The following NEDD9 variants were observed in gnomAD, a reference collection of about 807,000 sequenced individuals.
NEDD9 encodes enhancer of filamentation 1.
NEDD9 carries 26 observed loss-of-function variants against 76.6 expected under a neutral mutation model. The ratio of observed to expected loss-of-function variants is 0.34; its 90% CI spans 0.25 to 0.47. The LOEUF (loss-of-function observed/expected upper bound fraction) is 0.47, where lower values mean the gene tolerates loss of function less well. Ranked by LOEUF, NEDD9 falls within the 20% of genes least tolerant of loss-of-function variation. The pLI, the probability that NEDD9 is intolerant of heterozygous loss-of-function variation, is 1.00. For missense variants in NEDD9, 937 were observed against 1,058.5 expected (o/e 0.89, Z 1.59); for synonymous variants, 392 against 414.2 (o/e 0.95, Z 0.65).
intron 3 of NEDD9, among the ~76,000 whole-genome samples, chr6:11,246,704 C>T (rs957962157): frequency 2.6e-5 from 4 of 152,162 alleles, no homozygotes; most frequent in East Asian, 3.8e-4. Context: ...GATGGCAGCC[C>T]GGGAAACTCT....
At position 11,188,276 on chromosome 6, in the gene NEDD9, T is replaced by C; in HGVS notation, c.1937A>G (p.Glu646Gly). 6.2e-7 allele frequency: 1 copy of C among 1,614,172 alleles called. No homozygotes were observed. Among genetic ancestry groups the C allele is most frequent in the Non-Finnish European group, 8.5e-7 (1 of 1,180,000 alleles). ...GKEEFERQQK[E>G]LLEKENIMKQ... ...CATGATATTCTCTTTTTCCAATAGC[T>C]CTTTCTGTTGCCTCTCAAACTCCTC... Residue 646 changes from glutamate (E) to glycine (G), a missense_variant, in exon 6 of 7, where the codon GAG becomes GGG. Transcript: ENST00000379446.
rs1271712802 is a variant in NEDD9 at position 11,192,290 on chromosome 6, G to A, written c.663+55C>T. 6 of 339,970 alleles carry A rather than the reference G, an allele frequency of 1.8e-5. No homozygotes were observed. The African/African-American group carries it at 7.1e-4, about 40-fold the overall frequency. 21.1% of individuals were successfully genotyped at this position (339,970 alleles called of 1,614,324 possible). A position where few individuals can be genotyped will look rare whatever the true frequency, so the allele number is the denominator to read the frequency against. On this transcript the variant is annotated intron_variant, in intron 4 of 6. Transcript: ENST00000379446. The stretch of plus-strand genomic sequence containing the variant: ...CCACCCTCCCAACCCTGCACCCCCC[G>A]ACACACAGACACACACACACACTCC...
intron 3 of NEDD9, among the ~76,000 whole-genome samples, chr6:11,261,497 A>G (rs564836483): frequency 6.6e-6 from 1 of 152,216 alleles, no homozygotes; most frequent in Non-Finnish European, 1.5e-5. Flanking sequence ...TTATGTTTCA[A>G]TTCATTCATT....
chr6:11,362,885 G>A (rs765461595), intron 1 of NEDD9, among the ~76,000 whole-genome samples: 11 of 152,172 alleles, frequency 7.2e-5, no homozygotes, highest in Non-Finnish European at 1.2e-4. Flanking sequence ...TTTATTGGAA[G>A]GGACAGATGT....
At chr6:11,201,295 C>T (rs184557550) in intron 2 of NEDD9, among the ~76,000 whole-genome samples, 6 of 152,302 alleles carry the variant, frequency 3.9e-5, no homozygotes, top group East Asian at 1.9e-4. Context: ...AGGGAGCAGA[C>T]GGCTGCCACT....
At chr6:11,350,108 A>T (rs1561844000) in intron 1 of NEDD9, among the ~76,000 whole-genome samples, 1 of 152,228 alleles carries the variant, frequency 6.6e-6, no homozygotes, top group Non-Finnish European at 1.5e-5. Context: ...CTAATTGACA[A>T]TTGGCTGTTA....
intron 2 of NEDD9, among the ~76,000 whole-genome samples, chr6:11,306,581 C>A: frequency 6.6e-6 from 1 of 152,126 alleles, no homozygotes; most frequent in East Asian, 1.9e-4. Flanking sequence ...CTATAACCTA[C>A]AGTTTTAGTC....
chr6:11,209,385 GGA>G (rs1758706003), intron 2 of NEDD9, among the ~76,000 whole-genome samples: 2 of 152,164 alleles, frequency 1.3e-5, no homozygotes, highest in Admixed American at 1.3e-4. Context: ...CAGATAACTT[GGA>G]GAGTTTTTTT....
intron 2 of NEDD9, among the ~76,000 whole-genome samples, chr6:11,311,818 G>C (rs1467551662): frequency 5.9e-5 from 9 of 152,148 alleles, no homozygotes; most frequent in Admixed American, 5.9e-4. Flanking sequence ...GTGACAGTCT[G>C]GTGCTTGCTT....
rs748174094 is a variant in NEDD9 at position 11,193,679 on chromosome 6, A to G, written c.473T>C (p.Val158Ala). ...PHVGKKVITP[V>A]RTGHGYVYEY... ...GTATACGTAGCCATGGCCTGTCCTCACGGGGGTTATCACCTGTGGGAGAGA... is the reference window on the plus strand; with the variant it reads ...GTATACGTAGCCATGGCCTGTCCTCGCGGGGGTTATCACCTGTGGGAGAGA... Residue 158 changes from valine (V) to alanine (A), a missense_variant, in exon 3 of 7, where the codon GTG (valine) becomes GCG (alanine). Transcript: ENST00000379446. The G allele has an allele frequency of 6.2e-7, 1 of 1,613,712 alleles. No individual in the cohort carries two copies. Among genetic ancestry groups the G allele is most frequent in the East Asian group, 2.2e-5 (1 of 44,866 alleles).
chr6:11,331,493 A>C (rs1012043805), intron 2 of NEDD9, among the ~76,000 whole-genome samples: 6 of 152,194 alleles, frequency 3.9e-5, no homozygotes, highest in Admixed American at 2.0e-4. Context: ...ATATGACTTA[A>C]GAATTTTTTA....
intron 1 of NEDD9, among the ~76,000 whole-genome samples, chr6:11,377,744 A>G (rs1762990475): frequency 6.6e-6 from 1 of 152,190 alleles, no homozygotes; most frequent in South Asian, 2.1e-4. Flanking sequence ...GCAATGTGAG[A>G]AGGACATCAG....
chr6:11,308,845 T>G (rs1761277814), intron 2 of NEDD9, among the ~76,000 whole-genome samples: 1 of 152,250 alleles, frequency 6.6e-6, no homozygotes, highest in African/African-American at 2.4e-5. Context: ...GCATTGATCC[T>G]TTGTTTTAAA....
chr6:11,372,439 G>C (rs988671156), intron 1 of NEDD9, among the ~76,000 whole-genome samples: 1 of 152,162 alleles, frequency 6.6e-6, no homozygotes, highest in Non-Finnish European at 1.5e-5. Context: ...CTTGGCACTT[G>C]TGAAGAGTGC....
chr6:11,259,203 T>C (rs1341242474), intron 3 of NEDD9: 1 of 152,220 alleles, frequency 6.6e-6, no homozygotes, highest in Non-Finnish European at 1.5e-5. Context: ...GAGTGTTGTT[T>C]TGGCAAGTGA....
intron 2 of NEDD9, chr6:11,201,169 A>C: frequency 9.0e-7 from 1 of 1,111,184 alleles, no homozygotes; most frequent in East Asian, 2.4e-5. Flanking sequence ...TCCTTAATGC[A>C]GAGCTGGCTA....
rs1372995052 is a variant in NEDD9, at chr6:11,184,218, G to A, written c.*944C>T. 8 of 152,226 alleles carry A rather than the reference G, an allele frequency of 5.3e-5. No individual in the cohort carries two copies. Among genetic ancestry groups the A allele is most frequent in the African/African-American group, 1.9e-4 (8 of 41,444 alleles). 9.4% of individuals were successfully genotyped at this position (152,226 alleles called of 1,614,324 possible). A position where few individuals can be genotyped will look rare whatever the true frequency, so the allele number is the denominator to read the frequency against. ...AGGTAATGGGGGTAGTAGCACCAAA[G>A]TGAATATTAAGAGTCAGAAAGGCCT... On this transcript the variant is annotated 3_prime_UTR_variant, in exon 7 of 7. Coordinates refer to ENST00000379446, the MANE Select transcript of NEDD9 (RefSeq NM_006403.4).
At chr6:11,327,019 T>A (rs1761942051) in intron 2 of NEDD9, among the ~76,000 whole-genome samples, 2 of 152,214 alleles carry the variant, frequency 1.3e-5, no homozygotes, top group Admixed American at 1.3e-4. Flanking sequence ...AGTGACCATG[T>A]AACTTATTAA....
At chr6:11,256,197 G>A (rs115905724) in intron 3 of NEDD9, among the ~76,000 whole-genome samples, 1 of 152,322 alleles carries the variant, frequency 6.6e-6, no homozygotes, top group Non-Finnish European at 1.5e-5. Context: ...AGATTCACAA[G>A]CCACCTGCCT....
Sources: allele counts gnomAD v4.1 joint callset (sites outside exome capture counted in the v4.1 genomes callset), GRCh38; gene constraint gnomAD v4.1.1; transcripts MANE v1.5; gene names NCBI Gene and HGNC (gene_info 2026-07-23, HGNC 2026-07-21).